UBXN8: variants seen among roughly 807,000 people sequenced by gnomAD.
UBXN8 encodes UBX domain-containing protein 8.
Under a neutral mutation model 32.1 loss-of-function variants are expected in UBXN8, and 27 were observed. The ratio of observed to expected loss-of-function variants is 0.84; its 90% CI spans 0.62 to 1.16. UBXN8 has a LOEUF of 1.16. Ranked by LOEUF, UBXN8 falls within the 50% of genes most tolerant of loss-of-function variation. The pLI is 0.00. For synonymous variants in UBXN8, 109 were observed against 111.8 expected (o/e 0.98, Z 0.16); for missense variants, 306 against 311.4 (o/e 0.98, Z 0.13).
At chr8:30,759,709 G>C (rs1032786083) in intron 5 of UBXN8, among the ~76,000 whole-genome samples, 1 of 151,276 alleles carries the variant, frequency 6.6e-6, no homozygotes, top group Non-Finnish European at 1.5e-5. Flanking sequence ...GTAATCCCAG[G>C]ACTTTGGGAG....
chr8:30,759,173 G>C (rs1248882611), intron 5 of UBXN8, among the ~76,000 whole-genome samples: 5 of 152,080 alleles, frequency 3.3e-5, no homozygotes, highest in South Asian at 4.2e-4. Context: ...GATTACAGGC[G>C]TGAGCCACCA....
chr8:30,749,414 T>TAAAA lies in UBXN8; in HGVS notation c.89-1979_89-1978insAAAA, dbSNP rs796640458. Among the ~76,000 whole-genome samples the TAAAA allele has an allele frequency of 6.1e-5, 8 of 131,700 alleles. No homozygotes were observed. The South Asian group carries it at 9.7e-4, about 16-fold the overall frequency. 86.4% of individuals were successfully genotyped at this position (131,700 alleles called of 152,430 possible). On this transcript the variant is annotated intron_variant, in intron 1 of 7. Coordinates refer to ENST00000265616, the MANE Select transcript of UBXN8 (RefSeq NM_005671.4). ...TCTCAAAAAAAAAAAATAAAATAAA[T>TAAAA]AAATAAATAAATAGACCAAATACTA...
At chr8:30,743,242 C>T (rs1281303047), upstream of UBXN8, among the ~76,000 whole-genome samples, 2 of 151,412 alleles carry the variant, frequency 1.3e-5, no homozygotes, top group African/African-American at 4.9e-5. Context: ...AAGCAACCTC[C>T]GCATGCGGGT....
At chr8:30,746,360 G>A (rs1046436345) in intron 1 of UBXN8, among the ~76,000 whole-genome samples, 1 of 151,280 alleles carries the variant, frequency 6.6e-6, no homozygotes, top group African/African-American at 2.4e-5. Flanking sequence ...TTTCTTAACA[G>A]TATTTAAGTC....
At chr8:30,765,910 T>C (rs1313972508) in intron 7 of UBXN8, among the ~76,000 whole-genome samples, 1 of 150,598 alleles carries the variant, frequency 6.6e-6, no homozygotes, top group Non-Finnish European at 1.5e-5. Context: ...CTCTGAAGGC[T>C]GAGGCAGGAG....
chr8:30,731,644 A>T (rs1474194832), upstream of UBXN8, among the ~76,000 whole-genome samples: 5 of 152,044 alleles, frequency 3.3e-5, no homozygotes, highest in Admixed American at 2.6e-4. Context: ...AGATAAGACC[A>T]GCTCTGGCTA....
chr8:30,760,143 C>T (rs933505695), intron 5 of UBXN8, among the ~76,000 whole-genome samples: 3 of 147,340 alleles, frequency 2.0e-5, no homozygotes, highest in Non-Finnish European at 4.5e-5. Context: ...CTCACTGCAA[C>T]CTCTGCTTCA....
intron 7 of UBXN8, among the ~76,000 whole-genome samples, chr8:30,763,688 T>C (rs1490989003): frequency 2.0e-5 from 3 of 152,122 alleles, no homozygotes; most frequent in Non-Finnish European, 4.4e-5. Context: ...CTTTTTTTTT[T>C]CTTTTAAAAA....
intron 5 of UBXN8, among the ~76,000 whole-genome samples, chr8:30,757,859 C>CAA (rs76218678): frequency 2.1e-4 from 12 of 56,002 alleles, no homozygotes; most frequent in Admixed American, 3.8e-4. Context: ...GACTCCGTCT[C>CAA]AAAAAAAAAA....
chr8:30,729,404 C>A (rs1476285700), upstream of UBXN8, among the ~76,000 whole-genome samples: 1 of 152,196 alleles, frequency 6.6e-6, no homozygotes, highest in Non-Finnish European at 1.5e-5. Flanking sequence ...GCCTGATCAC[C>A]CACGGCGTGC....
At chr8:30,730,526 A>G (rs559775675), upstream of UBXN8, among the ~76,000 whole-genome samples, 14 of 152,272 alleles carry the variant, frequency 9.2e-5, no homozygotes, top group African/African-American at 3.4e-4. Flanking sequence ...AAAACCCCCA[A>G]GAGTATGTAA....
intron 3 of UBXN8, among the ~76,000 whole-genome samples, chr8:30,753,766 T>C (rs950689146): frequency 2.3e-5 from 3 of 131,354 alleles, no homozygotes; most frequent in African/African-American, 8.4e-5. Context: ...TGAATAGATA[T>C]ACCACTTTTT....
At chr8:30,744,883 A>T (rs1805324171) in intron 1 of UBXN8, among the ~76,000 whole-genome samples, 1 of 152,122 alleles carries the variant, frequency 6.6e-6, no homozygotes, top group African/African-American at 2.4e-5. Flanking sequence ...GAGAGTTGGG[A>T]GGAGGAGGAG....
rs1554578741 is a variant in UBXN8 at position 30,758,900 on chromosome 8, T to TTTTTTTTTTTTTTG, written c.529-1977_529-1976insTTGTTTTTTTTTTT. On this transcript the variant is annotated intron_variant, in intron 5 of 7. Coordinates refer to ENST00000265616, the MANE Select transcript of UBXN8 (RefSeq NM_005671.4). ...TTTTTTGTTTGTTTTTTTTGTTTTTTTTTTTTTTTTTGAGACGGAGTCTCG... is the reference window on the plus strand; with the variant it reads ...TTTTTTGTTTGTTTTTTTTGTTTTTTTTTTTTTTTTTTTGTTTTTTTTTTTGAGACGGAGTCTCG... Among the ~76,000 whole-genome samples, 481 of 121,880 alleles carry TTTTTTTTTTTTTTG rather than the reference T, an allele frequency of 3.9e-3. 2 individuals carry two copies. The highest frequency in any genetic ancestry group is 5.5e-3 in the Non-Finnish European group (334 of 60,630). The allele number at this position is 121,880 out of a possible 152,430, so 80.0% of individuals were successfully genotyped here.
chr8:30,750,107 A>G (rs1400352558), intron 1 of UBXN8, among the ~76,000 whole-genome samples: 1 of 152,128 alleles, frequency 6.6e-6, no homozygotes, highest in Non-Finnish European at 1.5e-5. Context: ...TTTAATGCCC[A>G]AAGGAGAGTA....
At chr8:30,744,486 G>T (rs1419146512) in intron 1 of UBXN8, 1 of 607,878 alleles carries the variant, frequency 1.6e-6, no homozygotes, top group African/African-American at 1.9e-5. Flanking sequence ...GTGTAAGAGG[G>T]TAGAGGCAAA....
chr8:30,757,711 T>C (rs1805699794), intron 5 of UBXN8, among the ~76,000 whole-genome samples: 1 of 151,258 alleles, frequency 6.6e-6, no homozygotes, highest in South Asian at 2.1e-4. Flanking sequence ...ATACAAAAAT[T>C]AGCCAGGTGC....
rs751097233 is a variant in UBXN8 at position 30,766,335 on chromosome 8, G to A, written c.754G>A (p.Asp252Asn). The A allele has an allele frequency of 1.5e-5, 24 of 1,613,556 alleles. No individual in the cohort carries two copies. The highest frequency in any genetic ancestry group is 2.7e-5 in the African/African-American group (2 of 74,920). Residue 252 changes from aspartate to asparagine, a missense_variant, in exon 8 of 8, where the codon GAC (aspartate) becomes AAC (asparagine). Asp to Asn is a conservative substitution (Grantham distance 23). Transcript: ENST00000265616. ...AGTGGAGGGAGGCCAGTCGCTGGAG[G>A]ACATAGGAATAACTGTGGACACTGT... ...LAVEGGQSLE[D>N]IGITVDTVLI...
intron 5 of UBXN8, among the ~76,000 whole-genome samples, chr8:30,757,824 C>T (rs1202081316): frequency 6.8e-6 from 1 of 147,816 alleles, no homozygotes; most frequent in East Asian, 2.0e-4. Context: ...TGCGCCACTG[C>T]ACTCCAGCCT....
Sources: gnomAD v4.1 joint callset for allele counts (sites outside exome capture counted in the v4.1 genomes callset) on GRCh38, gnomAD v4.1.1 for gene constraint, MANE v1.5 for transcripts, NCBI Gene and HGNC (gene_info 2026-07-23, HGNC 2026-07-21) for gene names.